Variants in KDM6A observed in about 807,000 individuals in gnomAD.
KDM6A encodes the protein lysine-specific demethylase 6A.
KDM6A carries 11 observed loss-of-function variants against 117.6 expected under a neutral mutation model. The observed-to-expected ratio is 0.09, with a 90% CI of 0.06 to 0.15. The LOEUF (loss-of-function observed/expected upper bound fraction) is 0.15, where lower values mean the gene tolerates loss of function less well. Ranked by LOEUF, KDM6A falls within the 10% of genes least tolerant of loss-of-function variation. The pLI is 1.00. For synonymous variants in KDM6A, 384 were observed against 396.1 expected, an observed-to-expected ratio of 0.97 and a Z score of 0.36; for missense variants, 799 against 1,077.3, an observed-to-expected ratio of 0.74 and a Z score of 3.62.
chrX:44,974,161 C>T (rs1017784464), intron 3 of KDM6A, among the ~76,000 whole-genome samples: 2 of 111,220 alleles, frequency 1.8e-5, no homozygotes, highest in African/African-American at 6.5e-5. Flanking sequence ...ATATCCATGG[C>T]CTTTTGTTGG....
chrX:44,959,746 A>T (rs1171075966), intron 2 of KDM6A, among the ~76,000 whole-genome samples: 1 of 111,600 alleles, frequency 9.0e-6, no homozygotes, highest in African/African-American at 3.2e-5. Context: ...GATAAGAATT[A>T]TATATGACTT....
chrX:44,999,696 CT>C (rs1220378126), intron 4 of KDM6A, among the ~76,000 whole-genome samples: 1 of 111,653 alleles, frequency 9.0e-6, no homozygotes, highest in African/African-American at 3.3e-5. Flanking sequence ...TCTTTTCAAA[CT>C]TTTTTTAAAC....
chrX:45,080,146 G>A (rs1361366792), intron 21 of KDM6A, among the ~76,000 whole-genome samples: 1 of 111,026 alleles, frequency 9.0e-6, no homozygotes, highest in East Asian at 2.8e-4. Context: ...TGATTTAGAG[G>A]ATAAACTAAG....
At chrX:45,043,566 C>T (rs1332378792) in intron 8 of KDM6A, among the ~76,000 whole-genome samples, 1 of 110,995 alleles carries the variant, frequency 9.0e-6, no homozygotes, top group Non-Finnish European at 1.9e-5. Context: ...CACTTGAAGC[C>T]CAGAGTTCAA....
intron 2 of KDM6A, among the ~76,000 whole-genome samples, chrX:44,916,179 T>G (rs943464563): frequency 3.6e-5 from 4 of 111,218 alleles, no homozygotes; most frequent in Non-Finnish European, 7.5e-5. Context: ...ACTGGGGTCT[T>G]GGAACATTTC....
chrX:45,038,544 T>C (rs950150977), intron 8 of KDM6A, among the ~76,000 whole-genome samples: 4 of 108,522 alleles, frequency 3.7e-5, no homozygotes, highest in African/African-American at 1.4e-4. Flanking sequence ...ACGGTCAAGA[T>C]TGATACATCT....
At chrX:44,927,534 T>A (rs1295366311) in intron 2 of KDM6A, among the ~76,000 whole-genome samples, 1 of 110,494 alleles carries the variant, frequency 9.1e-6, no homozygotes, top group Non-Finnish European at 1.9e-5. Context: ...TCTGGAGAGC[T>A]GCACATGCTC....
chrX:44,928,274 G>A (rs989412571), intron 2 of KDM6A, among the ~76,000 whole-genome samples: 2 of 111,625 alleles, frequency 1.8e-5, no homozygotes, highest in Non-Finnish European at 3.8e-5. Context: ...GCTGGAGTAC[G>A]TAGGTAACTT....
At chrX:45,057,156 A>G (rs2044107668) in intron 10 of KDM6A, among the ~76,000 whole-genome samples, 1 of 111,335 alleles carries the variant, frequency 9.0e-6, no homozygotes, top group South Asian at 3.7e-4. Context: ...ATGAATTCCA[A>G]ATCTAGATTT....
chrX:45,069,759 C>T lies in KDM6A; in HGVS notation c.2260C>T (p.His754Tyr), dbSNP rs2148039415. The stretch of plus-strand genomic sequence containing the variant: ...GGCTGCTCTCAATCACCTCTCCTCT[C>T]ACACTGCTACCTCAGGTGGACAACA... Reference protein sequence around the residue: ...QGAALNHLSSHTATSGGQQGI... With the variant: ...QGAALNHLSSYTATSGGQQGI... The change falls in exon 18 of 30, where the codon CAC (histidine) becomes TAC (tyrosine). Residue 754 changes from histidine (H) to tyrosine (Y), a missense_variant. Around this residue, in one of 8 missense-constraint regions of KDM6A, gnomAD observed 301 missense variants for 318.3 expected, o/e 0.95. Transcript: ENST00000611820. 8.3e-7 allele frequency: 1 copy of T among 1,210,404 alleles called. No individual in the cohort carries two copies. Among genetic ancestry groups the T allele is most frequent in the Non-Finnish European group, 1.1e-6 (1 of 894,771 alleles).
At chrX:45,079,493 GTATGTATA>G (rs1486339986) in intron 21 of KDM6A, 142 bp downstream of exon 21, 32 of 465,600 alleles carry the variant, frequency 6.9e-5, no homozygotes, top group South Asian at 2.2e-4. Flanking sequence ...CAGTTGTCTC[GTATGTATA>G]TATGTATGTA....
At chrX:45,108,980 G>T (rs2046644955) in intron 28 of KDM6A, among the ~76,000 whole-genome samples, 1 of 81,660 alleles carries the variant, frequency 1.2e-5, no homozygotes, top group African/African-American at 4.4e-5. Flanking sequence ...GGGATGGGGG[G>T]AGGGGGGAGG....
chrX:45,030,560 C>T (rs1234626606), intron 6 of KDM6A, among the ~76,000 whole-genome samples: 2 of 108,263 alleles, frequency 1.8e-5, no homozygotes, highest in Admixed American at 1.0e-4. Flanking sequence ...AAAACTTAGC[C>T]GTTTTCAGTT....
chrX:44,992,029 A>T (rs2040613551), intron 4 of KDM6A, among the ~76,000 whole-genome samples: 1 of 109,874 alleles, frequency 9.1e-6, no homozygotes, highest in South Asian at 3.8e-4. Flanking sequence ...CTTATAAAAA[A>T]ATATTTTCCC....
At position 44,958,604 on chromosome X, in the gene KDM6A, C is replaced by CTTTTTTTTTTT. The variant is rs34006049; in HGVS notation, c.226-2665_226-2655dup. Among the ~76,000 whole-genome samples the CTTTTTTTTTTT allele has an allele frequency of 2.3e-4, 13 of 56,455 alleles. 1 individual carries two copies. The highest frequency in any genetic ancestry group is 1.2e-3 in the South Asian group (1 of 865). 49.0% of individuals were successfully genotyped at this position (56,455 alleles called of 115,157 possible). A position where few individuals can be genotyped will look rare whatever the true frequency, so the allele number is the denominator to read the frequency against. ...TTCTGTGTGGGACAACTATATAGAC[C>CTTTTTTTTTTT]TTTTTTTTTTTTTTTTTTTTTTTTT... On this transcript the variant is annotated intron_variant, in intron 2 of 29. Coordinates refer to ENST00000611820, the MANE Select transcript of KDM6A (RefSeq NM_001291415.2).
intron 5 of KDM6A, among the ~76,000 whole-genome samples, chrX:45,011,816 C>T (rs1029208237): frequency 2.7e-5 from 3 of 111,005 alleles, no homozygotes; most frequent in Non-Finnish European, 3.8e-5. Flanking sequence ...GACAGGGTCT[C>T]ACTCTGTTGC....
chrX:45,020,068 G>A (rs1602598651), intron 5 of KDM6A, among the ~76,000 whole-genome samples: 1 of 111,419 alleles, frequency 9.0e-6, no homozygotes, highest in African/African-American at 3.3e-5. Flanking sequence ...TCTACAAATG[G>A]TGCAGGTACT....
chrX:44,950,265 C>T (rs780045987), intron 2 of KDM6A, among the ~76,000 whole-genome samples: 7 of 111,276 alleles, frequency 6.3e-5, no homozygotes, highest in Middle Eastern at 4.6e-3. Flanking sequence ...CCACCCGCCT[C>T]GGCCTCCCAA....
chrX:45,100,590 C>G (rs1170987132), intron 27 of KDM6A, among the ~76,000 whole-genome samples: 1 of 111,179 alleles, frequency 9.0e-6, no homozygotes, highest in Non-Finnish European at 1.9e-5. Context: ...AAATAGTATG[C>G]TGAGGAGTAG....
Sources: gnomAD v4.1 joint callset for allele counts (sites outside exome capture counted in the v4.1 genomes callset) on GRCh38, gnomAD v4.1.1 for gene constraint, gnomAD v4.1.1 regional missense constraint, MANE v1.5 for transcripts, NCBI Gene and HGNC (gene_info 2026-07-23, HGNC 2026-07-21) for gene names.